Variants in JHY observed in about 807,000 individuals in gnomAD.
JHY encodes the protein junctional cadherin complex regulator, also known as jhy protein homolog.
Under a neutral mutation model 78.0 loss-of-function variants are expected in JHY, and 69 were observed. That is an observed-to-expected ratio of 0.88 (90% confidence interval 0.73 to 1.08). JHY has a LOEUF of 1.08. JHY is among the 50% of genes least tolerant of loss of function. JHY has a pLI of 0.00. For missense variants in JHY, 944 were observed against 927.8 expected (o/e 1.02, Z -0.23); for synonymous variants, 368 against 342.6 (o/e 1.07, Z -0.82).
intron 5 of JHY, among the ~76,000 whole-genome samples, chr11:122,936,650 C>G (rs990768090): frequency 6.6e-6 from 1 of 152,048 alleles, no homozygotes; most frequent in African/African-American, 2.4e-5. Context: ...AATATGTTAA[C>G]AGATTTTTCT....
At chr11:122,911,206 C>G (rs144494580) in intron 3 of JHY, among the ~76,000 whole-genome samples, 100 of 152,280 alleles carry the variant, frequency 6.6e-4, no homozygotes, top group African/African-American at 2.3e-3. Context: ...AGTATGGGTT[C>G]AGAAAAGAGT....
chr11:122,956,156 C>CAA (rs371179969), intron 6 of JHY, among the ~76,000 whole-genome samples: 20 of 145,030 alleles, frequency 1.4e-4, no homozygotes, highest in African/African-American at 4.6e-4. Context: ...CAGGTATCTC[C>CAA]AAAAAAAAAA....
At chr11:122,932,631 G>T (rs1026041060) in intron 4 of JHY, among the ~76,000 whole-genome samples, 1 of 152,150 alleles carries the variant, frequency 6.6e-6, no homozygotes. Context: ...AATACTTTTA[G>T]GTCACAGTCA....
rs1462800797 is a variant in JHY, at chr11:122,935,221, TC to T, written c.1634+148del. ...ACCTAACAACTTCCTTAGCTCTGATTCCTGCCTCAAAGAGTCCACTTTTTTT... is the reference window on the plus strand; with the variant it reads ...ACCTAACAACTTCCTTAGCTCTGATTCTGCCTCAAAGAGTCCACTTTTTTT... On this transcript the variant is annotated intron_variant, in intron 5 of 8. Coordinates refer to ENST00000227349, the MANE Select transcript of JHY (RefSeq NM_024806.4). This position sits in a 1 kb window ranked among gnomAD's most constrained non-coding sequence, Gnocchi z 4.5. The T allele has an allele frequency of 1.5e-6, 1 of 671,034 alleles. No individual in the cohort carries two copies. The highest frequency in any genetic ancestry group is 2.3e-6 in the Non-Finnish European group (1 of 429,892). 41.6% of individuals were successfully genotyped at this position (671,034 alleles called of 1,614,324 possible).
In JHY at chr11:122,935,676, G is replaced by A. The variant is rs1341789385; in HGVS notation, c.1634+601G>A. 6.6e-6 allele frequency among the ~76,000 whole-genome samples: 1 copy of A among 152,196 alleles called. No individual in the cohort carries two copies. The highest frequency in any genetic ancestry group is 1.5e-5 in the Non-Finnish European group (1 of 68,028). ...AGTGTGTTTGGGGGTTGCAAGTAAT[G>A]TTTGGAGGAAACAAATGATCTTCAA... is the stretch of plus-strand genomic sequence containing the variant. On this transcript the variant is annotated intron_variant, in intron 5 of 8. Transcript: ENST00000227349. This position sits in a 1 kb window ranked among gnomAD's most constrained non-coding sequence, Gnocchi z 4.5.
At chr11:122,908,401 C>T (rs149891046) in intron 3 of JHY, among the ~76,000 whole-genome samples, 109 of 152,272 alleles carry the variant, frequency 7.2e-4, no homozygotes, top group African/African-American at 2.5e-3. Flanking sequence ...GCTTATGAAC[C>T]ACTTTAGATG....
intron 1 of JHY, among the ~76,000 whole-genome samples, chr11:122,884,631 G>A (rs1384622569): frequency 2.6e-5 from 4 of 152,094 alleles, no homozygotes; most frequent in East Asian, 3.9e-4. Flanking sequence ...AATCACACTC[G>A]TAAGTGAGTT....
intron 3 of JHY, chr11:122,905,490 C>T: frequency 8.3e-7 from 1 of 1,205,266 alleles, no homozygotes; most frequent in African/African-American, 1.6e-5. Context: ...CCTGTTCTAA[C>T]CTCTAAGCAT....
intron 3 of JHY, among the ~76,000 whole-genome samples, chr11:122,918,393 G>A (rs1380363405): frequency 6.9e-6 from 1 of 144,684 alleles, no homozygotes; most frequent in Non-Finnish European, 1.5e-5. Context: ...CAAATAATAA[G>A]GCTGGCAGAA....
rs999602824 is a variant in JHY, at chr11:122,960,911, AAAG to A, written c.*1469_*1471del. On this transcript the variant is annotated 3_prime_UTR_variant, in exon 9 of 9. Transcript: ENST00000227349. ...GACTGCATAGAGTGTATAAGGAAGTAAAGAATCGCCTGGACTATCATATATCTG... is the reference window on the plus strand; with the variant it reads ...GACTGCATAGAGTGTATAAGGAAGTAAATCGCCTGGACTATCATATATCTG... 9.9e-6 allele frequency: 7 copies of A among 703,858 alleles called. No homozygotes were observed. The African/African-American group carries it at 1.2e-4, about 12-fold the overall frequency. The allele number at this position is 703,858 out of a possible 1,614,324, so 43.6% of individuals were successfully genotyped here. A position where few individuals can be genotyped will look rare whatever the true frequency, so the allele number is the denominator to read the frequency against.
At chr11:122,892,796 C>T (rs1401062116) in intron 2 of JHY, among the ~76,000 whole-genome samples, 1 of 152,028 alleles carries the variant, frequency 6.6e-6, no homozygotes, top group East Asian at 1.9e-4. Context: ...TAGGGAAGAC[C>T]AAAACTCAGG....
At chr11:122,901,937 A>G (rs970552654) in intron 2 of JHY, among the ~76,000 whole-genome samples, 3 of 151,936 alleles carry the variant, frequency 2.0e-5, no homozygotes, top group Non-Finnish European at 2.9e-5. Flanking sequence ...AAACACACAC[A>G]TTAGTCTAGG....
chr11:122,946,609 G>A lies in JHY; in HGVS notation c.1746G>A (p.Gln582=). The change falls in exon 6 of 9, where the codon CAG becomes CAA. Residue 582 remains glutamine (Q), a synonymous_variant. Coordinates refer to ENST00000227349, the MANE Select transcript of JHY (RefSeq NM_024806.4). The stretch of plus-strand genomic sequence containing the variant: ...CCTTGGTGCAGCTGACCGACGTGCA[G>A]CCCAGTGAAGGGGCCTTATCCAGCG... ...QQALVQLTDV[Q]PSEGALSSVT... is the part of the protein sequence containing the mutation. 1 of 1,614,112 alleles carries A rather than the reference G, an allele frequency of 6.2e-7. No homozygotes were observed. The highest frequency in any genetic ancestry group is 8.5e-7 in the Non-Finnish European group (1 of 1,180,016).
chr11:122,954,479 A>G (rs898853502), intron 6 of JHY, among the ~76,000 whole-genome samples: 1 of 152,376 alleles, frequency 6.6e-6, no homozygotes, highest in South Asian at 2.1e-4. Flanking sequence ...GTGTGTTTAC[A>G]CAAGTTCATT....
At chr11:122,938,989 T>C (rs1354476953) in intron 5 of JHY, among the ~76,000 whole-genome samples, 6 of 150,546 alleles carry the variant, frequency 4.0e-5, no homozygotes, top group East Asian at 1.9e-4. Flanking sequence ...GCTTCTTCTT[T>C]TTTTTTTTTT....
chr11:122,955,577 T>A (rs1397164225), intron 6 of JHY, among the ~76,000 whole-genome samples: 2 of 152,324 alleles, frequency 1.3e-5, no homozygotes, highest in African/African-American at 4.8e-5. Flanking sequence ...TTGCTTTCTG[T>A]CCTTTTAAAT....
rs1864323897 is a variant in JHY, at chr11:122,961,910, C to T, written c.*2465C>T. 6.6e-6 allele frequency among the ~76,000 whole-genome samples: 1 copy of T among 152,144 alleles called. No homozygotes were observed. Among genetic ancestry groups the T allele is most frequent in the African/African-American group, 2.4e-5 (1 of 41,430 alleles). On this transcript the variant is annotated 3_prime_UTR_variant, in exon 9 of 9. Transcript: ENST00000227349. ...ATTAGTTAGAAACCCTCCAACAAGTCCAGAAACACCTAATGCAGGCAACTC... is the reference window on the plus strand; with the variant it reads ...ATTAGTTAGAAACCCTCCAACAAGTTCAGAAACACCTAATGCAGGCAACTC...
chr11:122,899,552 G>A (rs1218820271), intron 2 of JHY, among the ~76,000 whole-genome samples: 1 of 152,132 alleles, frequency 6.6e-6, no homozygotes, highest in East Asian at 1.9e-4. Flanking sequence ...AATATTTTTA[G>A]AAAAGGAGTT....
intron 2 of JHY, among the ~76,000 whole-genome samples, chr11:122,887,299 C>T (rs911305850): frequency 6.6e-6 from 1 of 152,084 alleles, no homozygotes; most frequent in Non-Finnish European, 1.5e-5. Context: ...GTGACTGGCT[C>T]CTTATAAATT....
Sources: gnomAD v4.1 joint callset for allele counts (sites outside exome capture counted in the v4.1 genomes callset) on GRCh38, gnomAD v4.1.1 for gene constraint, Gnocchi (gnomAD v3.1) non-coding constraint, MANE v1.5 for transcripts, NCBI Gene and HGNC (gene_info 2026-07-23, HGNC 2026-07-21) for gene names.